STYXL1: variants seen among roughly 807,000 people sequenced by gnomAD.
STYXL1 encodes serine/threonine/tyrosine-interacting-like protein 1.
In STYXL1, 32 loss-of-function variants were observed where a neutral mutation model predicts 36.4. The ratio of observed to expected loss-of-function variants is 0.88; its 90% CI spans 0.66 to 1.18. The LOEUF is 1.18. STYXL1 is among the 50% of genes most tolerant of loss of function. The pLI is 0.00. For synonymous variants in STYXL1, 133 were observed against 144.1 expected (o/e 0.92, Z 0.55); for missense variants, 354 against 394.1 (o/e 0.90, Z 0.86).
At chr7:76,039,011 A>G (rs10280264) in intron 1 of STYXL1, among the ~76,000 whole-genome samples, 83,654 of 144,146 alleles carry the variant, frequency 0.58, 26,676 homozygotes, top group Middle Eastern at 0.7. Context: ...GCAGTGGTGC[A>G]ATCTCGGCTC....
intron 3 of STYXL1, among the ~76,000 whole-genome samples, chr7:76,025,571 C>A (rs1265794183): frequency 6.6e-6 from 1 of 151,866 alleles, no homozygotes; most frequent in African/African-American, 2.4e-5. Flanking sequence ...GGGTGGATCA[C>A]CTGAGGTCAG....
intron 1 of STYXL1, among the ~76,000 whole-genome samples, chr7:76,035,695 C>T (rs1349630224): frequency 1.3e-5 from 2 of 149,696 alleles, no homozygotes; most frequent in Non-Finnish European, 3.0e-5. Context: ...GTGTCTAGTC[C>T]TACAACCTCA....
chr7:76,036,782 C>CTTTTT (rs71082378), intron 1 of STYXL1, among the ~76,000 whole-genome samples: 15 of 101,606 alleles, frequency 1.5e-4, no homozygotes, highest in African/African-American at 3.9e-4. Flanking sequence ...CAGTATAGCT[C>CTTTTT]TTTTTTTTTT....
Position 76,001,018 on chromosome 7 carries a change from G to C in STYXL1, c.698-16C>G. The C allele has an allele frequency of 1.2e-6, 2 of 1,605,798 alleles. No homozygotes were observed. Among genetic ancestry groups the C allele is most frequent in the East Asian group, 4.5e-5 (2 of 44,842 alleles). Reference sequence around the variant, plus strand: ...TGGTGAATTTCTGCAAAAAGAAGTGGGGGGTTGGGTCATGCCTGGCCCTCC... The same window carrying C: ...TGGTGAATTTCTGCAAAAAGAAGTGCGGGGTTGGGTCATGCCTGGCCCTCC... On this transcript the variant is annotated splice_polypyrimidine_tract_variant and intron_variant, in intron 7 of 8. Coordinates refer to ENST00000359697, the MANE Select transcript of STYXL1 (RefSeq NM_001317785.2).
intron 1 of STYXL1, among the ~76,000 whole-genome samples, chr7:76,037,217 A>G (rs1554580924): frequency 6.6e-6 from 1 of 150,394 alleles, no homozygotes; most frequent in East Asian, 1.9e-4. Flanking sequence ...TGCTGGGATT[A>G]CAGGCATAAG....
At chr7:76,041,315 C>A (rs1330895589) in intron 1 of STYXL1, among the ~76,000 whole-genome samples, 1 of 152,096 alleles carries the variant, frequency 6.6e-6, no homozygotes, top group Non-Finnish European at 1.5e-5. Flanking sequence ...GTGATATAAG[C>A]CCACTGTAAG....
At chr7:76,046,544 G>A (rs1376751499) in intron 1 of STYXL1, among the ~76,000 whole-genome samples, 3 of 148,898 alleles carry the variant, frequency 2.0e-5, no homozygotes, top group Non-Finnish European at 4.5e-5. Flanking sequence ...ATGGGGTTTC[G>A]CCACATTAGC....
Position 76,013,833 on chromosome 7 carries a change from TG to T in STYXL1, c.361del (p.His121ThrfsTer7). Reference sequence around the variant, plus strand: ...CCCTTTCAGGATGTAGACGGGGTGGTGGGTGAGGCGGGTCAGGATCCTGCCA... The same window carrying T: ...CCCTTTCAGGATGTAGACGGGGTGGTGGTGAGGCGGGTCAGGATCCTGCCA... Reference protein sequence around the residue: ...EYGRILTRLTHHPVYILKGGY... With the variant: ...EYGRILTRLTXHPVYILKGGY... On this transcript the variant is annotated frameshift_variant, in exon 5 of 9. Coordinates refer to ENST00000359697, the MANE Select transcript of STYXL1 (RefSeq NM_001317785.2). LOFTEE classifies it high-confidence loss of function. 1.9e-6 allele frequency: 3 copies of T among 1,613,818 alleles called. No individual in the cohort carries two copies. Among genetic ancestry groups the T allele is most frequent in the Non-Finnish European group, 2.5e-6 (3 of 1,179,942 alleles).
At chr7:76,034,823 T>C (rs1795758205) in intron 1 of STYXL1, among the ~76,000 whole-genome samples, 1 of 152,198 alleles carries the variant, frequency 6.6e-6, no homozygotes. Context: ...AGATCACCCG[T>C]AGCTGAGGAC....
chr7:76,039,938 C>T (rs186591491), intron 1 of STYXL1, among the ~76,000 whole-genome samples: 10 of 152,276 alleles, frequency 6.6e-5, no homozygotes, highest in Non-Finnish European at 1.2e-4. Flanking sequence ...TTAGCCACGG[C>T]GCCTGGCCTC....
rs1451753438 is a variant in STYXL1 at position 76,046,349 on chromosome 7, C to T, written c.-5+1313G>A. On this transcript the variant is annotated intron_variant, in intron 1 of 8. Transcript: ENST00000359697. ...GTGTGTGTGTGTGTGTGCGCGCGCG[C>T]GCGCGCGCGCTTTTGAGCCGGAGTT... 7.1e-4 allele frequency among the ~76,000 whole-genome samples: 52 copies of T among 72,954 alleles called. 1 individual carries two copies. In the South Asian group the frequency reaches 0.013, roughly 18 times the overall value. 47.9% of individuals were successfully genotyped at this position (72,954 alleles called of 152,430 possible).
chr7:76,043,971 C>A (rs1225543423), intron 1 of STYXL1: 3 of 152,320 alleles, frequency 2.0e-5, no homozygotes, highest in Non-Finnish European at 4.4e-5. Flanking sequence ...AGACAGAAAG[C>A]TGCTGCATGA....
chr7:76,015,906 C>T (rs1463868617), intron 4 of STYXL1, among the ~76,000 whole-genome samples: 1 of 152,148 alleles, frequency 6.6e-6, no homozygotes, highest in African/African-American at 2.4e-5. Flanking sequence ...ACTGGCCTAG[C>T]CTCCCAGCCT....
At chr7:76,002,062 C>T (rs1257082282) in intron 7 of STYXL1, among the ~76,000 whole-genome samples, 1 of 152,118 alleles carries the variant, frequency 6.6e-6, no homozygotes, top group Non-Finnish European at 1.5e-5. Context: ...TCCGCCTTAG[C>T]CTTCTGAGTA....
chr7:75,997,721 C>CACACACAAACA (rs1790311824), intron 8 of STYXL1, among the ~76,000 whole-genome samples: 1 of 151,952 alleles, frequency 6.6e-6, no homozygotes, highest in Non-Finnish European at 1.5e-5. Flanking sequence ...CTAAAGATTA[C>CACACACAAACA]ACACACACAC....
Position 76,047,977 on chromosome 7 carries a change from C to T in STYXL1, c.-320G>A. On this transcript the variant is annotated 5_prime_UTR_variant, in exon 1 of 9. Coordinates refer to ENST00000359697, the MANE Select transcript of STYXL1 (RefSeq NM_001317785.2). ...CGGGGTTGCCAGGATGGTCCCACAGCTTTCCTTTCCGACTCCCGGAAGTGG... is the reference window on the plus strand; with the variant it reads ...CGGGGTTGCCAGGATGGTCCCACAGTTTTCCTTTCCGACTCCCGGAAGTGG... The T allele has an allele frequency of 1.4e-6, 2 of 1,481,222 alleles. No homozygotes were observed. Among genetic ancestry groups the T allele is most frequent in the Non-Finnish European group, 9.0e-7 (1 of 1,116,556 alleles). 91.8% of individuals were successfully genotyped at this position (1,481,222 alleles called of 1,614,324 possible).
At chr7:76,026,462 G>A (rs1349906333) in intron 3 of STYXL1, among the ~76,000 whole-genome samples, 4 of 151,716 alleles carry the variant, frequency 2.6e-5, no homozygotes, top group African/African-American at 9.7e-5. Context: ...CAATTTTTTT[G>A]TAGAGACAGG....
chr7:76,040,747 A>G (rs1365548384), intron 1 of STYXL1, among the ~76,000 whole-genome samples: 1 of 151,950 alleles, frequency 6.6e-6, no homozygotes, highest in African/African-American at 2.4e-5. Flanking sequence ...GAGGCAGGAA[A>G]ATCGCTTGAA....
rs575838913 is a variant in STYXL1 at position 76,036,674 on chromosome 7, C to T, written c.-4-6147G>A. Among the ~76,000 whole-genome samples the T allele has an allele frequency of 3.5e-5, 5 of 141,022 alleles. No homozygotes were observed. In the East Asian group the frequency reaches 7.9e-4, roughly 22 times the overall value. The allele number at this position is 141,022 out of a possible 152,430, so 92.5% of individuals were successfully genotyped here. A position where few individuals can be genotyped will look rare whatever the true frequency, so the allele number is the denominator to read the frequency against. On this transcript the variant is annotated intron_variant, in intron 1 of 8. Coordinates refer to ENST00000359697, the MANE Select transcript of STYXL1 (RefSeq NM_001317785.2). ...ATTTTTTTTTTTTTTTGAGCCACCTCGCCAGGCTACCAAGTCTCATTTTCC... is the reference window on the plus strand; with the variant it reads ...ATTTTTTTTTTTTTTTGAGCCACCTTGCCAGGCTACCAAGTCTCATTTTCC...
Sources: gnomAD v4.1 joint callset for allele counts (sites outside exome capture counted in the v4.1 genomes callset) on GRCh38, gnomAD v4.1.1 for gene constraint, MANE v1.5 for transcripts, NCBI Gene and HGNC (gene_info 2026-07-23, HGNC 2026-07-21) for gene names.